Variants in FTO observed in about 807,000 individuals in gnomAD.
FTO encodes FTO alpha-ketoglutarate dependent dioxygenase.
Under a neutral mutation model 63.9 loss-of-function variants are expected in FTO, and 47 were observed. The observed-to-expected ratio is 0.74, with a 90% confidence interval of 0.58 to 0.94. FTO has a LOEUF of 0.94. Among genes scored for constraint, FTO ranks in the 40% least tolerant of loss-of-function variants. The pLI, the probability that FTO is intolerant of heterozygous loss-of-function variation, is 0.00. For missense variants in FTO, 562 were observed against 618.1 expected (o/e 0.91, Z 0.96); for synonymous variants, 207 against 224.4 (o/e 0.92, Z 0.69).
At chr16:53,831,237 G>A (rs762114835) in intron 3 of FTO, among the ~76,000 whole-genome samples, 3 of 152,080 alleles carry the variant, frequency 2.0e-5, no homozygotes, top group African/African-American at 4.8e-5. Flanking sequence ...TTATCTTAGC[G>A]TCCCAGCATC....
chr16:54,066,591 C>T (rs1321940147), intron 8 of FTO, among the ~76,000 whole-genome samples: 3 of 152,198 alleles, frequency 2.0e-5, no homozygotes, highest in African/African-American at 7.2e-5. Context: ...CTACACCCAG[C>T]GCATGTGCTC....
chr16:53,876,369 G>T lies in FTO; in HGVS notation c.975+2504G>T, dbSNP rs535246678. Reference sequence around the variant, plus strand: ...TCATCAATATATAGCACTTAGCGAGGAGTAGGTAATGGCTTTTTAGATATG... The same window carrying T: ...TCATCAATATATAGCACTTAGCGAGTAGTAGGTAATGGCTTTTTAGATATG... On this transcript the variant is annotated intron_variant, in intron 5 of 8. Coordinates refer to ENST00000471389, the MANE Select transcript of FTO (RefSeq NM_001080432.3). Among the ~76,000 whole-genome samples, 4 of 152,256 alleles carry T rather than the reference G, an allele frequency of 2.6e-5. No individual in the cohort carries two copies. In the South Asian group the frequency reaches 8.3e-4, roughly 32 times the overall value.
At chr16:53,891,134 G>A (rs2081135835) in intron 7 of FTO, among the ~76,000 whole-genome samples, 1 of 151,874 alleles carries the variant, frequency 6.6e-6, no homozygotes, top group South Asian at 2.1e-4. Flanking sequence ...GGGATAACAG[G>A]GGCCCGCCAC....
At chr16:53,865,012 C>G (rs1351345670) in intron 4 of FTO, among the ~76,000 whole-genome samples, 3 of 152,132 alleles carry the variant, frequency 2.0e-5, no homozygotes, top group African/African-American at 7.2e-5. Flanking sequence ...GCCTGAGTCA[C>G]TAGGTGACTC....
chr16:53,980,734 A>T (rs182266203), intron 8 of FTO, among the ~76,000 whole-genome samples: 2 of 152,330 alleles, frequency 1.3e-5, no homozygotes, highest in East Asian at 3.9e-4. Flanking sequence ...GCTTGTTCTT[A>T]TCAGTAAATC....
rs76576964 is a variant in FTO at position 53,921,378 on chromosome 16, T to C, written c.1240-12607T>C. ...TGGAGATCTTGGGTAACTTTTCACT[T>C]GTCCAAGGATCGGAAAGTGCTAAGC... On this transcript the variant is annotated intron_variant, in intron 7 of 8. Transcript: ENST00000471389. Among the ~76,000 whole-genome samples, 30 of 152,344 alleles carry C rather than the reference T, an allele frequency of 2.0e-4. 1 individual carries two copies. In the East Asian group the frequency reaches 4.6e-3, roughly 24 times the overall value.
At chr16:54,111,618 G>A (rs1179782051) in intron 8 of FTO, 144 bp from the exon 9 acceptor site, 3 of 851,958 alleles carry the variant, frequency 3.5e-6, no homozygotes, top group Non-Finnish European at 5.9e-6. Context: ...CGTTCCACCT[G>A]TAGATTCATT....
At chr16:53,997,657 A>C (rs938748205) in intron 8 of FTO, among the ~76,000 whole-genome samples, 1 of 151,866 alleles carries the variant, frequency 6.6e-6, no homozygotes, top group Non-Finnish European at 1.5e-5. Flanking sequence ...GAAATAGAAC[A>C]TTCAGAAACT....
intron 1 of FTO, among the ~76,000 whole-genome samples, chr16:53,760,207 T>G (rs111389547): frequency 0.011 from 137 of 12,700 alleles, no homozygotes; most frequent in South Asian, 0.043. Flanking sequence ...TCAGCTTTGG[T>G]GTGTGTGTGT....
At chr16:53,847,864 A>G (rs975647117) in intron 4 of FTO, among the ~76,000 whole-genome samples, 1 of 152,184 alleles carries the variant, frequency 6.6e-6, no homozygotes, top group African/African-American at 2.4e-5. Flanking sequence ...TGTAAAATAT[A>G]CATTGGGTCC....
intron 7 of FTO, among the ~76,000 whole-genome samples, chr16:53,906,163 A>T (rs1293303072): frequency 6.6e-6 from 1 of 152,184 alleles, no homozygotes; most frequent in African/African-American, 2.4e-5. Flanking sequence ...CATATTTGAA[A>T]CACCTAGGAC....
chr16:54,053,582 T>A (rs2085360901), intron 8 of FTO, among the ~76,000 whole-genome samples: 1 of 152,134 alleles, frequency 6.6e-6, no homozygotes, highest in South Asian at 2.1e-4. Flanking sequence ...TATTCCTCAG[T>A]CGGGAATGGT....
chr16:54,006,818 C>T (rs2084218376), intron 8 of FTO, among the ~76,000 whole-genome samples: 1 of 152,192 alleles, frequency 6.6e-6, no homozygotes, highest in African/African-American at 2.4e-5. Flanking sequence ...ATGTGTATTC[C>T]AGTCATCAGC....
At chr16:53,998,064 C>T (rs748206764) in intron 8 of FTO, among the ~76,000 whole-genome samples, 7 of 152,092 alleles carry the variant, frequency 4.6e-5, no homozygotes, top group African/African-American at 1.2e-4. Context: ...AACCATCTGC[C>T]GAACTGAGGC....
chr16:54,086,929 C>G (rs2086265966), intron 8 of FTO, among the ~76,000 whole-genome samples: 1 of 152,204 alleles, frequency 6.6e-6, no homozygotes, highest in Non-Finnish European at 1.5e-5. Flanking sequence ...CTGCCGGCCC[C>G]CATAAGGAAA....
In FTO at chr16:54,117,612, C is replaced by T. The variant is rs544774946; in HGVS notation, c.*5697C>T. On this transcript the variant is annotated 3_prime_UTR_variant, in exon 9 of 9. Coordinates refer to ENST00000471389, the MANE Select transcript of FTO (RefSeq NM_001080432.3). ...TCAAGAAGAATATTGTGTCACTATC[C>T]CATATATTATCCCATTTGCTCTTCA... 5 of 152,228 alleles carry T rather than the reference C, an allele frequency of 3.3e-5. No individual in the cohort carries two copies. The South Asian group carries it at 1.0e-3, about 32-fold the overall frequency. The allele number at this position is 152,228 out of a possible 1,614,324, so 9.4% of individuals were successfully genotyped here. A position where few individuals can be genotyped will look rare whatever the true frequency, so the allele number is the denominator to read the frequency against.
chr16:53,976,589 AT>A (rs1433970034), intron 8 of FTO, among the ~76,000 whole-genome samples: 4 of 152,064 alleles, frequency 2.6e-5, no homozygotes, highest in Non-Finnish European at 5.9e-5. Context: ...TTAGATTCCG[AT>A]AGTCAGATTC....
intron 8 of FTO, among the ~76,000 whole-genome samples, chr16:53,976,207 A>G (rs1222918516): frequency 6.6e-6 from 1 of 152,072 alleles, no homozygotes; most frequent in African/African-American, 2.4e-5. Flanking sequence ...TTTAAAAACT[A>G]TGTTTTTAAA....
intron 8 of FTO, among the ~76,000 whole-genome samples, chr16:54,018,409 G>GATAGATACATAC (rs1474063795): frequency 4.6e-4 from 66 of 142,216 alleles, no homozygotes; most frequent in Admixed American, 4.9e-4. Flanking sequence ...TAGATAGATA[G>GATAGATACATAC]ATACATACAT....
Sources: allele counts gnomAD v4.1 joint callset (sites outside exome capture counted in the v4.1 genomes callset), GRCh38; gene constraint gnomAD v4.1.1; transcripts MANE v1.5; gene names NCBI Gene and HGNC (gene_info 2026-07-23, HGNC 2026-07-21).